Variants in FBXW4 observed in about 807,000 individuals in gnomAD.
FBXW4 encodes the protein F-box and WD repeat domain containing 4.
A neutral mutation model predicts 61.8 loss-of-function variants in FBXW4; 40 were observed. That is an observed-to-expected ratio of 0.65 (90% CI 0.50 to 0.84). The LOEUF (loss-of-function observed/expected upper bound fraction) is 0.84. Ranked by LOEUF, FBXW4 falls within the 40% of genes least tolerant of loss-of-function variation. The pLI, the probability that FBXW4 is intolerant of heterozygous loss-of-function variation, is 0.00. For missense variants in FBXW4, 672 were observed against 753.8 expected (o/e 0.89, Z 1.27); for synonymous variants, 311 against 313.8 (o/e 0.99, Z 0.10).
At chr10:101,646,194 C>G (rs1030711293) in intron 5 of FBXW4, among the ~76,000 whole-genome samples, 1 of 152,206 alleles carries the variant, frequency 6.6e-6, no homozygotes, top group African/African-American at 2.4e-5. Context: ...GGCCTTGGGT[C>G]CCCTGTCCCT....
chr10:101,639,988 G>A (rs1564910512), intron 5 of FBXW4, among the ~76,000 whole-genome samples: 1 of 152,216 alleles, frequency 6.6e-6, no homozygotes, highest in South Asian at 2.1e-4. Context: ...TAGAGCCTCT[G>A]TTCAGTAACT....
intron 1 of FBXW4, among the ~76,000 whole-genome samples, chr10:101,692,912 G>C (rs887270472): frequency 6.6e-6 from 1 of 152,052 alleles, no homozygotes; most frequent in African/African-American, 2.4e-5. Context: ...AAAGTAAAAT[G>C]AATTGACTGG....
chr10:101,618,911 A>G (rs2063846274), intron 6 of FBXW4, among the ~76,000 whole-genome samples: 1 of 151,804 alleles, frequency 6.6e-6, no homozygotes. Context: ...AACCCACAGC[A>G]AGAGGAAGCC....
At chr10:101,612,748 C>T (rs11815310) in intron 6 of FBXW4, among the ~76,000 whole-genome samples, 5,243 of 151,852 alleles carry the variant, frequency 0.035, 300 homozygotes, top group African/African-American at 0.12. Context: ...GCCACCCACC[C>T]AGCCACTCCT....
chr10:101,630,235 T>C (rs2063940560), intron 5 of FBXW4, among the ~76,000 whole-genome samples: 1 of 152,186 alleles, frequency 6.6e-6, no homozygotes, highest in Non-Finnish European at 1.5e-5. Context: ...ATCTGAGCCT[T>C]ATTACTCTCT....
At chr10:101,648,859 G>T (rs1165781096) in intron 5 of FBXW4, among the ~76,000 whole-genome samples, 1 of 152,148 alleles carries the variant, frequency 6.6e-6, no homozygotes, top group Non-Finnish European at 1.5e-5. Flanking sequence ...CTTAGTCTGA[G>T]AAGGGAGGTT....
At chr10:101,650,016 C>A (rs1256492279) in intron 5 of FBXW4, among the ~76,000 whole-genome samples, 1 of 152,158 alleles carries the variant, frequency 6.6e-6, no homozygotes, top group East Asian at 1.9e-4. Flanking sequence ...GGCTGAGGCT[C>A]CCCAGAGTCT....
intron 6 of FBXW4, among the ~76,000 whole-genome samples, chr10:101,622,026 A>G (rs2063870467): frequency 6.6e-6 from 1 of 152,122 alleles, no homozygotes; most frequent in Non-Finnish European, 1.5e-5. Flanking sequence ...GGAAGTAGGG[A>G]GTTTCCCATC....
intron 5 of FBXW4, 57 bp downstream of exon 5, chr10:101,667,829 G>T: frequency 6.9e-7 from 1 of 1,449,572 alleles, no homozygotes; most frequent in Non-Finnish European, 9.7e-7. Flanking sequence ...ACCTGATCTA[G>T]TAAAATAAAA....
chr10:101,656,650 T>C (rs957900438), intron 5 of FBXW4, among the ~76,000 whole-genome samples: 1 of 152,162 alleles, frequency 6.6e-6, no homozygotes, highest in Non-Finnish European at 1.5e-5. Flanking sequence ...ATGACTACCA[T>C]GGCCATTGTT....
intron 5 of FBXW4, among the ~76,000 whole-genome samples, chr10:101,648,180 T>A (rs2064116807): frequency 6.6e-6 from 1 of 152,178 alleles, no homozygotes; most frequent in Non-Finnish European, 1.5e-5. Context: ...ATCCTGTATA[T>A]TTAAAGTCCT....
chr10:101,640,658 A>ATT (rs200557925), intron 5 of FBXW4, among the ~76,000 whole-genome samples: 4,363 of 133,022 alleles, frequency 0.033, 94 homozygotes, highest in East Asian at 0.11. Flanking sequence ...TCCCCAGCTA[A>ATT]TTTTTTTTTT....
chr10:101,662,662 TTTTGCTAAGCAC>T (rs1443793901), intron 5 of FBXW4, among the ~76,000 whole-genome samples: 1 of 152,008 alleles, frequency 6.6e-6, no homozygotes, highest in Non-Finnish European at 1.5e-5. Flanking sequence ...AGGGAAAGGG[TTTTGCTAAGCAC>T]CTTTTTTTTC....
chr10:101,688,107 C>A (rs2064552473), intron 1 of FBXW4, among the ~76,000 whole-genome samples: 1 of 152,218 alleles, frequency 6.6e-6, no homozygotes, highest in African/African-American at 2.4e-5. Context: ...GAGGAATGAA[C>A]TGGCTGACCC....
At chr10:101,681,923 T>C (rs933184002) in intron 1 of FBXW4, among the ~76,000 whole-genome samples, 1 of 152,054 alleles carries the variant, frequency 6.6e-6, no homozygotes, top group African/African-American at 2.4e-5. Flanking sequence ...CTGGGATCTA[T>C]ATCCCAATTC....
In FBXW4 at chr10:101,620,024, G is replaced by A. The variant is rs549348809; in HGVS notation, c.1301+4721C>T. Among the ~76,000 whole-genome samples the A allele has an allele frequency of 2.6e-5, 4 of 152,258 alleles. No individual in the cohort carries two copies. The East Asian group carries it at 7.7e-4, about 29-fold the overall frequency. ...GTCCCAGCCCCCACCATCATCCAGG[G>A]TATAGCAATGCTTAGGGCAAACTGC... On this transcript the variant is annotated intron_variant, in intron 6 of 8. Transcript: ENST00000331272.
intron 5 of FBXW4, chr10:101,628,009 G>A: frequency 1.0e-6 from 1 of 985,124 alleles, no homozygotes; most frequent in Non-Finnish European, 1.2e-6. Flanking sequence ...TCCGCGAGAT[G>A]TCTTCAACCA....
At chr10:101,624,893 T>G (rs2063896160) in intron 5 of FBXW4, 83 bp from the exon 6 acceptor site, 5 of 1,444,626 alleles carry the variant, frequency 3.5e-6, no homozygotes, top group Non-Finnish European at 4.9e-6. Flanking sequence ...AATGCCGTGC[T>G]CATTCCCTAG....
At chr10:101,678,791 CAGCA>C (rs895288487) in intron 1 of FBXW4, among the ~76,000 whole-genome samples, 1 of 152,146 alleles carries the variant, frequency 6.6e-6, no homozygotes, top group African/African-American at 2.4e-5. Flanking sequence ...TACTAAAAGC[CAGCA>C]AGCAAGTCCA....
Sources: allele counts gnomAD v4.1 joint callset (sites outside exome capture counted in the v4.1 genomes callset), GRCh38; gene constraint gnomAD v4.1.1; transcripts MANE v1.5; gene names NCBI Gene and HGNC (gene_info 2026-07-23, HGNC 2026-07-21).